TOM1L1: variants seen among roughly 807,000 people sequenced by gnomAD.
TOM1L1 encodes the protein TOM1-like protein 1.
Under a neutral mutation model 63.4 loss-of-function variants are expected in TOM1L1, and 64 were observed. The observed-to-expected ratio is 1.01, with a 90% confidence interval of 0.83 to 1.24. The LOEUF (loss-of-function observed/expected upper bound fraction) is 1.24, where lower values mean the gene tolerates loss of function less well. Among genes scored for constraint, TOM1L1 ranks in the 50% most tolerant of loss-of-function variants. The probability of loss-of-function intolerance (pLI) is 0.00; values close to 1 mark genes in which losing one functional copy is unlikely to be tolerated. For missense variants in TOM1L1, 536 were observed against 567.0 expected, an observed-to-expected ratio of 0.95 and a Z score of 0.55; for synonymous variants, 166 against 194.4, an observed-to-expected ratio of 0.85 and a Z score of 1.22.
At chr17:54,901,176 A>G in intron 1 of TOM1L1, 1 of 571,594 alleles carries the variant, frequency 1.7e-6, no homozygotes, top group Non-Finnish European at 3.1e-6. Flanking sequence ...GAGTGGAACC[A>G]AACAGGTGAA....
intron 3 of TOM1L1, among the ~76,000 whole-genome samples, chr17:54,911,196 C>T (rs191138370): frequency 2.0e-4 from 30 of 152,276 alleles, no homozygotes; most frequent in Admixed American, 6.5e-4. Context: ...TATAACACCC[C>T]ATCCTCCAGG....
Position 54,930,369 on chromosome 17 carries a change from C to T in TOM1L1, c.854+163C>T, listed in dbSNP as rs565578374. On this transcript the variant is annotated intron_variant, in intron 8 of 15. Transcript: ENST00000575882. The stretch of plus-strand genomic sequence containing the variant: ...TGGGGTGGGACAGTTTTCCCTTGTA[C>T]AGCTCCTACTCAGTAAATGCTAGAG... The T allele has an allele frequency of 1.8e-3, 1,558 of 859,068 alleles. 4 individuals carry two copies. The highest frequency in any genetic ancestry group is 4.4e-3 in the Middle Eastern group (12 of 2,708). 53.2% of individuals were successfully genotyped at this position (859,068 alleles called of 1,614,324 possible).
intron 12 of TOM1L1, 84 bp downstream of exon 12, chr17:54,947,396 ATGTTC>A: frequency 6.9e-7 from 1 of 1,458,246 alleles, no homozygotes; most frequent in Non-Finnish European, 9.6e-7. Context: ...ATTAATTCCC[ATGTTC>A]TGCTCAGTAT....
chr17:54,900,939 G>GA lies in TOM1L1; in HGVS notation c.58+17dup. On this transcript the variant is annotated intron_variant, in intron 1 of 15. Transcript: ENST00000575882. ...CACCTCATAGGTAAGGAGGCGCGGG[G>GA]AGAGACGCCCAGGCAGGCAGGGGAC... 6.2e-7 allele frequency: 1 copy of GA among 1,613,808 alleles called. No individual in the cohort carries two copies. The highest frequency in any genetic ancestry group is 1.1e-5 in the South Asian group (1 of 91,072).
In TOM1L1 at chr17:54,937,148, G is replaced by T. The variant is rs142215434; in HGVS notation, c.955G>T (p.Asp319Tyr). 18 of 1,611,144 alleles carry T rather than the reference G, an allele frequency of 1.1e-5. No individual in the cohort carries two copies. In the South Asian group the frequency reaches 2.0e-4, roughly 18 times the overall value. ...EPSAPSQDLL[D>Y]LSPSPRMPRA... Reference sequence around the variant, plus strand: ...TTCTGCCCCATCTCAAGATCTCCTCGACCTAAGTCCCAGTCCCCGGATGCC... The same window carrying T: ...TTCTGCCCCATCTCAAGATCTCCTCTACCTAAGTCCCAGTCCCCGGATGCC... The change falls in exon 10 of 16, where the codon GAC becomes TAC. Residue 319 changes from aspartate (D) to tyrosine (Y), a missense_variant. By Grantham distance (160) the Asp-to-Tyr change is radical. Coordinates refer to ENST00000575882, the MANE Select transcript of TOM1L1 (RefSeq NM_005486.3).
chr17:54,948,118 T>C (rs1050568824), intron 12 of TOM1L1, among the ~76,000 whole-genome samples: 3 of 152,160 alleles, frequency 2.0e-5, no homozygotes, highest in African/African-American at 7.2e-5. Context: ...ATGTCAATTA[T>C]TCAGCCACTT....
At chr17:54,921,333 G>A (rs973833590) in intron 7 of TOM1L1, among the ~76,000 whole-genome samples, 1 of 152,014 alleles carries the variant, frequency 6.6e-6, no homozygotes, top group Non-Finnish European at 1.5e-5. Flanking sequence ...ACAGTGCTGT[G>A]CAAAAAATAC....
chr17:54,900,953 C>G (rs747813353), intron 1 of TOM1L1, 30 bp downstream of exon 1: 24 of 1,613,316 alleles, frequency 1.5e-5, no homozygotes, highest in Non-Finnish European at 2.0e-5. Context: ...GACGCCCAGG[C>G]AGGCAGGGGA....
chr17:54,903,789 A>T lies in TOM1L1; in HGVS notation c.140A>T (p.Asp47Val). 6.2e-7 allele frequency: 1 copy of T among 1,613,110 alleles called. No homozygotes were observed. The highest frequency in any genetic ancestry group is 1.1e-5 in the South Asian group (1 of 91,066). The change falls in exon 2 of 16, where the codon GAT (aspartate) becomes GTT (valine). Residue 47 changes from aspartate (D) to valine (V), a missense_variant. Coordinates refer to ENST00000575882, the MANE Select transcript of TOM1L1 (RefSeq NM_005486.3). ...HICDIINTTQ[D>V]GPKDAVKALK... ...TGTGACATAATTAACACTACCCAGG[A>T]TGGGTGAGTACAGCATGGTTTCCAT...
At chr17:54,922,879 A>G (rs1034765361) in intron 7 of TOM1L1, among the ~76,000 whole-genome samples, 1 of 152,180 alleles carries the variant, frequency 6.6e-6, no homozygotes, top group Non-Finnish European at 1.5e-5. Context: ...CCCAAAAGGA[A>G]ACCCCATGCT....
At position 54,915,841 on chromosome 17, in the gene TOM1L1, T is replaced by C. The variant is rs754726993; in HGVS notation, c.699T>C (p.His233=). The C allele has an allele frequency of 1.7e-5, 28 of 1,613,624 alleles. No individual in the cohort carries two copies. In the East Asian group the frequency reaches 5.4e-4, roughly 31 times the overall value. Residue 233 remains histidine (H), a synonymous_variant, in exon 7 of 16, where the codon CAT becomes CAC. Coordinates refer to ENST00000575882, the MANE Select transcript of TOM1L1 (RefSeq NM_005486.3). The stretch of plus-strand genomic sequence containing the variant: ...AGAATACTCCTGGGTCTGAAAACCA[T>C]GAAGACATAGAGCTTCTGCAGGTGT... ...LMENTPGSEN[H]EDIELLQKLY...
chr17:54,916,124 GTTGTT>G (rs2048585104), intron 7 of TOM1L1: 1 of 417,272 alleles, frequency 2.4e-6, no homozygotes, highest in African/African-American at 2.1e-5. Flanking sequence ...CAATTCTCTA[GTTGTT>G]TTAAGTATGT....
At position 54,961,282 on chromosome 17, in the gene TOM1L1, C is replaced by G. The variant is rs532424848; in HGVS notation, c.*49C>G. 2.6e-6 allele frequency: 4 copies of G among 1,551,560 alleles called. No individual in the cohort carries two copies. The East Asian group carries it at 7.3e-5, about 28-fold the overall frequency. ...CTACCACATCAAAGGTGCCAACTCTCTAAAACGTAGACTCTGTGCAGCTTT... is the reference window on the plus strand; with the variant it reads ...CTACCACATCAAAGGTGCCAACTCTGTAAAACGTAGACTCTGTGCAGCTTT... On this transcript the variant is annotated 3_prime_UTR_variant, in exon 16 of 16. Transcript: ENST00000575882.
chr17:54,940,759 C>T (rs1460120255), intron 11 of TOM1L1, among the ~76,000 whole-genome samples: 1 of 151,856 alleles, frequency 6.6e-6, no homozygotes, highest in African/African-American at 2.4e-5. Flanking sequence ...TTAATATTTG[C>T]CTCTATTCAC....
chr17:54,943,565 A>G (rs1301577595), intron 11 of TOM1L1, among the ~76,000 whole-genome samples: 3 of 151,944 alleles, frequency 2.0e-5, no homozygotes, highest in Admixed American at 1.3e-4. Flanking sequence ...CAAAATATAT[A>G]TATGTATATA....
At chr17:54,947,743 C>T (rs1341041773) in intron 12 of TOM1L1, among the ~76,000 whole-genome samples, 1 of 152,156 alleles carries the variant, frequency 6.6e-6, no homozygotes, top group Non-Finnish European at 1.5e-5. Context: ...GTGGCTCTTC[C>T]TCCTCTACTG....
intron 8 of TOM1L1, among the ~76,000 whole-genome samples, chr17:54,931,895 G>C (rs1315504825): frequency 6.6e-6 from 1 of 151,920 alleles, no homozygotes; most frequent in Non-Finnish European, 1.5e-5. Flanking sequence ...ATCGACTGAA[G>C]ATGTAAGCCT....
intron 14 of TOM1L1, among the ~76,000 whole-genome samples, chr17:54,951,540 C>T (rs2049238774): frequency 6.6e-6 from 1 of 152,194 alleles, no homozygotes; most frequent in African/African-American, 2.4e-5. Context: ...GATTCTGCTT[C>T]CAGAGGCTGG....
intron 14 of TOM1L1, among the ~76,000 whole-genome samples, chr17:54,951,307 C>T (rs1598059679): frequency 6.6e-6 from 1 of 152,230 alleles, no homozygotes; most frequent in Admixed American, 6.5e-5. Context: ...GAGTCCCACC[C>T]TCCAGGTACC....
Sources: gnomAD v4.1 joint callset for allele counts (sites outside exome capture counted in the v4.1 genomes callset) on GRCh38, gnomAD v4.1.1 for gene constraint, MANE v1.5 for transcripts, NCBI Gene and HGNC (gene_info 2026-07-23, HGNC 2026-07-21) for gene names.